Variants in KIF4A observed in about 807,000 individuals in gnomAD.
KIF4A encodes the protein chromosome-associated kinesin KIF4A.
In KIF4A, 7 loss-of-function variants were observed where a neutral mutation model predicts 105.9. The ratio of observed to expected loss-of-function variants is 0.07; its 90% CI spans 0.04 to 0.12. The LOEUF (loss-of-function observed/expected upper bound fraction) is 0.12, where lower values mean the gene tolerates loss of function less well. Among genes scored for constraint, KIF4A ranks in the 10% least tolerant of loss-of-function variants. The pLI is 1.00. For synonymous variants in KIF4A, 281 were observed against 331.3 expected (o/e 0.85, Z 1.65); for missense variants, 558 against 929.2 (o/e 0.60, Z 5.19).
At position 70,401,044 on chromosome X, in the gene KIF4A, G is replaced by A. The variant is rs1316098295; in HGVS notation, c.2490-1522G>A. ...AGCCTCCCAAAGTGCTGGGATTACGGGAGTGAGCCACCGCGCCCCGCCAAT... is the reference window on the plus strand; with the variant it reads ...AGCCTCCCAAAGTGCTGGGATTACGAGAGTGAGCCACCGCGCCCCGCCAAT... On this transcript the variant is annotated intron_variant, in intron 22 of 30. Coordinates refer to ENST00000374403, the MANE Select transcript of KIF4A (RefSeq NM_012310.5). Among the ~76,000 whole-genome samples the A allele has an allele frequency of 2.8e-5, 3 of 108,081 alleles. No homozygotes were observed. In the South Asian group the frequency reaches 1.2e-3, roughly 44 times the overall value. The allele number at this position is 108,081 out of a possible 115,157, so 93.9% of individuals were successfully genotyped here.
chrX:70,291,224 A>G (rs2085759105), intron 3 of KIF4A, among the ~76,000 whole-genome samples: 1 of 111,166 alleles, frequency 9.0e-6, no homozygotes, highest in African/African-American at 3.3e-5. Context: ...TACATAAATA[A>G]TTTTGAATAT....
chrX:70,335,919 C>T (rs1337994668), intron 10 of KIF4A, among the ~76,000 whole-genome samples: 1 of 111,853 alleles, frequency 8.9e-6, no homozygotes, highest in Admixed American at 9.5e-5. Flanking sequence ...CAACTCTGTT[C>T]CCATTCCTAT....
At chrX:70,304,439 C>G (rs1346440695) in intron 7 of KIF4A, among the ~76,000 whole-genome samples, 4 of 104,727 alleles carry the variant, frequency 3.8e-5, no homozygotes, top group African/African-American at 1.4e-4. Context: ...ATTTATAGTC[C>G]TTTGGGTATA....
At chrX:70,350,614 G>C (rs770995377) in intron 13 of KIF4A, among the ~76,000 whole-genome samples, 10 of 111,233 alleles carry the variant, frequency 9.0e-5, no homozygotes, top group African/African-American at 3.3e-4. Flanking sequence ...GAGCCCAGGA[G>C]GTGGAGGTTG....
intron 7 of KIF4A, among the ~76,000 whole-genome samples, chrX:70,320,056 A>G (rs1248070959): frequency 8.9e-6 from 1 of 111,974 alleles, no homozygotes; most frequent in Non-Finnish European, 1.9e-5. Flanking sequence ...TCACTGTCCT[A>G]GTTCTTTTCC....
Position 70,402,649 on chromosome X carries a change from C to T in KIF4A, c.2573C>T (p.Ala858Val). Residue 858 changes from alanine to valine, a missense_variant, in exon 23 of 31, where the codon GCC (alanine) becomes GTC (valine). By Grantham distance (64) the Ala-to-Val change is moderately conservative. Around this residue, in one of 2 missense-constraint regions of KIF4A, gnomAD observed 469 missense variants for 680.4 expected, o/e 0.69. Coordinates refer to ENST00000374403, the MANE Select transcript of KIF4A (RefSeq NM_012310.5). ...DRPKQRWENIATILEAKCALK... is the reference protein window; with the variant it reads ...DRPKQRWENIVTILEAKCALK... ...CCAAAACAACGCTGGGAGAATATTG[C>T]CACCATTCTGGAAGCCAAGTGTGCC... is the stretch of plus-strand genomic sequence containing the variant. The T allele has an allele frequency of 8.3e-7, 1 of 1,211,134 alleles. No individual in the cohort carries two copies. The highest frequency in any genetic ancestry group is 1.1e-6 in the Non-Finnish European group (1 of 895,141).
Position 70,386,739 on chromosome X carries a change from A to G in KIF4A, c.2118+38A>G, listed in dbSNP as rs774228138. On this transcript the variant is annotated intron_variant, in intron 19 of 30. Coordinates refer to ENST00000374403, the MANE Select transcript of KIF4A (RefSeq NM_012310.5). ...AATCTGCTAGGTCAAGTGTATTGTCATCTTCAGGTTTAAATGCTTGCAAAG... is the reference window on the plus strand; with the variant it reads ...AATCTGCTAGGTCAAGTGTATTGTCGTCTTCAGGTTTAAATGCTTGCAAAG... The G allele has an allele frequency of 1.8e-5, 18 of 1,000,856 alleles. No homozygotes were observed. The South Asian group carries it at 3.5e-4, about 19-fold the overall frequency. 82.5% of individuals were successfully genotyped at this position (1,000,856 alleles called of 1,213,427 possible). A position where few individuals can be genotyped will look rare whatever the true frequency, so the allele number is the denominator to read the frequency against.
intron 8 of KIF4A, 74 bp downstream of exon 8, chrX:70,329,595 G>A: frequency 3.6e-6 from 3 of 827,925 alleles, no homozygotes; most frequent in South Asian, 4.6e-5. Context: ...GATGAAATAG[G>A]TAAAAAGCCA....
intron 10 of KIF4A, among the ~76,000 whole-genome samples, chrX:70,336,276 T>A (rs2085950170): frequency 8.9e-6 from 1 of 112,243 alleles, no homozygotes; most frequent in African/African-American, 3.2e-5. Flanking sequence ...ACATTTAAGT[T>A]GTTTCCAATG....
intron 13 of KIF4A, among the ~76,000 whole-genome samples, chrX:70,347,987 A>AAAAAAAAAAAAAAAAAAAAG (rs1737175248): frequency 2.1e-5 from 2 of 93,418 alleles, no homozygotes; most frequent in Non-Finnish European, 4.3e-5. Flanking sequence ...AAAAAAAAAA[A>AAAAAAAAAAAAAAAAAAAAG]GAATGATTTA....
At position 70,320,199 on chromosome X, in the gene KIF4A, A is replaced by G. The variant is rs778160212; in HGVS notation, c.779-9206A>G. ...CTGCTGTTAGTTCTTCCTTAGCACC[A>G]TGGTAGAGATGCACCCACTTCCAGT... On this transcript the variant is annotated intron_variant, in intron 7 of 30. Coordinates refer to ENST00000374403, the MANE Select transcript of KIF4A (RefSeq NM_012310.5). 3.6e-5 allele frequency among the ~76,000 whole-genome samples: 4 copies of G among 111,601 alleles called. No homozygotes were observed. The East Asian group carries it at 1.1e-3, about 31-fold the overall frequency.
rs1223720426 is a variant in KIF4A, at chrX:70,419,661, G to T, written c.3373G>T (p.Asp1125Tyr). The change falls in exon 30 of 31, where the codon GAT becomes TAT. Residue 1125 changes from aspartate (D) to tyrosine (Y), a missense_variant and splice_region_variant. By Grantham distance (160) the Asp-to-Tyr change is radical (BLOSUM62 -3). Around this residue, in one of 2 missense-constraint regions of KIF4A, gnomAD observed 469 missense variants for 680.4 expected, o/e 0.69. Transcript: ENST00000374403. ...TKCRNRQQGK[D>Y]SLGTVERTQD... ...ATATGCCTGTCTGCTTGATTTTCAG[G>T]ATAGCTTGGGCACTGTTGAACGGAC... The T allele has an allele frequency of 8.3e-7, 1 of 1,209,603 alleles. No individual in the cohort carries two copies. Among genetic ancestry groups the T allele is most frequent in the South Asian group, 1.8e-5 (1 of 56,874 alleles).
chrX:70,355,117 GCAT>G lies in KIF4A; in HGVS notation c.1674+1315_1674+1317del, dbSNP rs1057241550. ...CAGGACTTCCACCCCTGCCTGGCTG[GCAT>G]CATCTAGACAGCCTTTTGTAAAACC... On this transcript the variant is annotated intron_variant, in intron 15 of 30. Transcript: ENST00000374403. Among the ~76,000 whole-genome samples the G allele has an allele frequency of 8.1e-5, 9 of 111,759 alleles. No individual in the cohort carries two copies. The South Asian group carries it at 2.3e-3, about 28-fold the overall frequency.
intron 15 of KIF4A, among the ~76,000 whole-genome samples, chrX:70,372,132 C>CGGCAGA (rs1443241430): frequency 7.9e-5 from 8 of 101,643 alleles, no homozygotes; most frequent in Non-Finnish European, 1.6e-4. Context: ...GGATGGCGGC[C>CGGCAGA]GGCAGAGACG....
chrX:70,332,092 G>A (rs886444697), intron 9 of KIF4A, among the ~76,000 whole-genome samples: 2 of 112,265 alleles, frequency 1.8e-5, no homozygotes, highest in Non-Finnish European at 3.8e-5. Flanking sequence ...CAGGTAGATA[G>A]TTGAATATAA....
chrX:70,393,718 GT>G (rs201182676), intron 20 of KIF4A, among the ~76,000 whole-genome samples: 4,812 of 89,063 alleles, frequency 0.054, 120 homozygotes, highest in East Asian at 0.16. Flanking sequence ...TTAGTATGTT[GT>G]TTTTTTTTTT....
chrX:70,395,571 T>C (rs2086256143), intron 20 of KIF4A, 100 bp from the exon 21 acceptor site: 1 of 1,051,250 alleles, frequency 9.5e-7, no homozygotes, highest in South Asian at 2.1e-5. Flanking sequence ...TTGTAGTTAC[T>C]TGGGCTCTGG....
chrX:70,362,294 A>C, intron 15 of KIF4A: 3 of 341,752 alleles, frequency 8.8e-6, no homozygotes, highest in Non-Finnish European at 1.7e-5. Context: ...TGTACTGGAA[A>C]CTCAGCTCTT....
At chrX:70,357,612 A>AT (rs2086057246) in intron 15 of KIF4A, among the ~76,000 whole-genome samples, 1 of 112,254 alleles carries the variant, frequency 8.9e-6, no homozygotes, top group African/African-American at 3.2e-5. Context: ...TGAAAGGGAA[A>AT]TACTTTAAAG....
Sources: gnomAD v4.1 joint callset for allele counts (sites outside exome capture counted in the v4.1 genomes callset) on GRCh38, gnomAD v4.1.1 for gene constraint, gnomAD v4.1.1 regional missense constraint, MANE v1.5 for transcripts, NCBI Gene and HGNC (gene_info 2026-07-23, HGNC 2026-07-21) for gene names.